BABAM2: variants seen among roughly 807,000 people sequenced by gnomAD.
The protein encoded by BABAM2 is BRISC and BRCA1-A complex member 2.
A neutral mutation model predicts 54.7 loss-of-function variants in BABAM2; 31 were observed. The ratio of observed to expected loss-of-function variants is 0.57; its 90% CI spans 0.43 to 0.77. BABAM2 has a LOEUF of 0.77. BABAM2 is among the 30% of genes least tolerant of loss of function. BABAM2 has a pLI of 0.00. For missense variants in BABAM2, 364 were observed against 455.8 expected, an observed-to-expected ratio of 0.80 and a Z score of 1.83; for synonymous variants, 167 against 162.9, an observed-to-expected ratio of 1.03 and a Z score of -0.19.
intron 9 of BABAM2, 62 bp downstream of exon 9, chr2:28,241,455 A>C: frequency 6.8e-7 from 1 of 1,480,438 alleles, no homozygotes. Flanking sequence ...TGACCTCAAC[A>C]TGGGGGCTTG....
chr2:28,180,177 GA>G (rs1675462673), intron 7 of BABAM2, among the ~76,000 whole-genome samples: 2 of 151,846 alleles, frequency 1.3e-5, no homozygotes, highest in Non-Finnish European at 2.9e-5. Flanking sequence ...TGAGCAAAAA[GA>G]ACAAAGCTGA....
chr2:28,070,300 C>G (rs1432552342), intron 6 of BABAM2, among the ~76,000 whole-genome samples: 1 of 152,134 alleles, frequency 6.6e-6, no homozygotes, highest in Non-Finnish European at 1.5e-5. Flanking sequence ...GAAAACTATC[C>G]CCTCTGTTAG....
intron 7 of BABAM2, among the ~76,000 whole-genome samples, chr2:28,146,898 G>C (rs544902054): frequency 6.6e-6 from 1 of 152,318 alleles, no homozygotes; most frequent in East Asian, 1.9e-4. Flanking sequence ...CCCCCGAAGG[G>C]AGTACTGAAA....
rs1193346870 is a variant in BABAM2 at position 28,304,234 on chromosome 2, T to G, written c.1088+5743T>G. On this transcript the variant is annotated intron_variant, in intron 11 of 11. Transcript: ENST00000379624. The surrounding 1 kb of genome is among the most constrained non-coding windows in gnomAD (Gnocchi z 4.0). Reference sequence around the variant, plus strand: ...CTATGCCCGGCCAATTTTTGTGTTTTTAGTACAGACAGGGTTTTGGCATGT... The same window carrying G: ...CTATGCCCGGCCAATTTTTGTGTTTGTAGTACAGACAGGGTTTTGGCATGT... Among the ~76,000 whole-genome samples, 2 of 152,022 alleles carry G rather than the reference T, an allele frequency of 1.3e-5. No homozygotes were observed. The highest frequency in any genetic ancestry group is 2.9e-5 in the Non-Finnish European group (2 of 67,980).
intron 4 of BABAM2, among the ~76,000 whole-genome samples, chr2:28,013,730 C>CACAT (rs1553411799): frequency 1.5e-5 from 2 of 136,894 alleles, no homozygotes; most frequent in African/African-American, 5.6e-5. Context: ...CACACACACA[C>CACAT]GTGTGTGTGT....
intron 7 of BABAM2, among the ~76,000 whole-genome samples, chr2:28,181,686 A>G (rs1369641405): frequency 6.6e-6 from 1 of 152,172 alleles, no homozygotes; most frequent in Non-Finnish European, 1.5e-5. Flanking sequence ...AAAAAAGTAC[A>G]GATTTAGGTT....
intron 6 of BABAM2, among the ~76,000 whole-genome samples, chr2:28,099,839 G>A (rs776413639): frequency 6.6e-6 from 1 of 151,776 alleles, no homozygotes; most frequent in Non-Finnish European, 1.5e-5. Context: ...GCTATTTCCC[G>A]ATACCTCTCT....
At chr2:28,215,026 C>T (rs771719244) in intron 7 of BABAM2, among the ~76,000 whole-genome samples, 6 of 152,108 alleles carry the variant, frequency 3.9e-5, no homozygotes, top group Non-Finnish European at 8.8e-5. Context: ...TTATTATATA[C>T]TGCTAACTAG....
At position 27,894,167 on chromosome 2, in the gene BABAM2, T is replaced by G. The variant is rs76060692; in HGVS notation, c.-24-366T>G. On this transcript the variant is annotated intron_variant, in intron 1 of 11. Coordinates refer to ENST00000379624, the MANE Select transcript of BABAM2 (RefSeq NM_199191.3). Reference sequence around the variant, plus strand: ...TAACTCAGTGATGTGTGTGTTTTTGTGTTGGGATAGAGGATTGTTAGCGAG... The same window carrying G: ...TAACTCAGTGATGTGTGTGTTTTTGGGTTGGGATAGAGGATTGTTAGCGAG... 5.2e-3 allele frequency among the ~76,000 whole-genome samples: 786 copies of G among 152,234 alleles called. 6 individuals carry two copies. The highest frequency in any genetic ancestry group is 0.018 in the African/African-American group (742 of 41,528).
chr2:28,249,177 A>G (rs1049425202), intron 10 of BABAM2, among the ~76,000 whole-genome samples: 2 of 145,320 alleles, frequency 1.4e-5, no homozygotes, highest in African/African-American at 5.1e-5. Flanking sequence ...AGCCTCCGCC[A>G]CCTTGAGTTC....
At chr2:27,894,041 T>C (rs947223077) in intron 1 of BABAM2, among the ~76,000 whole-genome samples, 1 of 151,308 alleles carries the variant, frequency 6.6e-6, no homozygotes, top group African/African-American at 2.4e-5. Context: ...AAATAATTTC[T>C]AGTAAGTAAT....
At chr2:28,326,483 C>A (rs876251) in intron 11 of BABAM2, among the ~76,000 whole-genome samples, 98,943 of 151,954 alleles carry the variant, frequency 0.65, 35,775 homozygotes, top group Non-Finnish European at 0.84. Context: ...CTTAGCCCCC[C>A]ACACCCACCA....
chr2:28,047,527 T>A (rs1319380510), intron 6 of BABAM2, among the ~76,000 whole-genome samples: 1 of 152,240 alleles, frequency 6.6e-6, no homozygotes, highest in Non-Finnish European at 1.5e-5. Context: ...GCTCATATTC[T>A]TGAAGGGTCA....
chr2:28,255,533 C>A (rs1683897034), intron 10 of BABAM2, among the ~76,000 whole-genome samples: 1 of 152,158 alleles, frequency 6.6e-6, no homozygotes, highest in Admixed American at 6.5e-5. Context: ...CCTTGGCCTG[C>A]CAAAGTGCTG....
intron 6 of BABAM2, among the ~76,000 whole-genome samples, chr2:28,062,270 A>C (rs1431755233): frequency 1.3e-5 from 2 of 150,940 alleles, no homozygotes; most frequent in Non-Finnish European, 3.0e-5. Context: ...AAAAAAAAAA[A>C]AAACAAAAAA....
chr2:27,910,216 T>C (rs1484386008), intron 2 of BABAM2, among the ~76,000 whole-genome samples: 1 of 152,190 alleles, frequency 6.6e-6, no homozygotes, highest in Non-Finnish European at 1.5e-5. Flanking sequence ...CCACCTAGCA[T>C]AGGACCTGGC....
intron 11 of BABAM2, among the ~76,000 whole-genome samples, chr2:28,321,104 C>T (rs1333635320): frequency 6.6e-6 from 1 of 152,036 alleles, no homozygotes; most frequent in Non-Finnish European, 1.5e-5. Context: ...GTTGAGTTAA[C>T]GTGAAACAGG....
At chr2:28,203,660 A>G (rs1173248833) in intron 7 of BABAM2, among the ~76,000 whole-genome samples, 1 of 152,052 alleles carries the variant, frequency 6.6e-6, no homozygotes, top group East Asian at 1.9e-4. Flanking sequence ...GACGTTTTTC[A>G]TTTACATAGG....
chr2:28,080,880 C>G (rs932848639), intron 6 of BABAM2, among the ~76,000 whole-genome samples: 1 of 152,190 alleles, frequency 6.6e-6, no homozygotes, highest in Non-Finnish European at 1.5e-5. Context: ...ATCTTTTTTC[C>G]TATTCAAACA....
Sources: allele counts gnomAD v4.1 joint callset (sites outside exome capture counted in the v4.1 genomes callset), GRCh38; gene constraint gnomAD v4.1.1; non-coding constraint Gnocchi (gnomAD v3.1); transcripts MANE v1.5; gene names NCBI Gene and HGNC (gene_info 2026-07-23, HGNC 2026-07-21).